PAK3: variants seen among roughly 807,000 people sequenced by gnomAD.
PAK3 encodes the protein p21 (RAC1) activated kinase 3.
In PAK3, 4 loss-of-function variants were observed where a neutral mutation model predicts 41.0. The observed-to-expected ratio is 0.10, with a 90% CI of 0.05 to 0.22. The LOEUF (loss-of-function observed/expected upper bound fraction) is 0.22, where lower values mean the gene tolerates loss of function less well. Among genes scored for constraint, PAK3 ranks in the 10% least tolerant of loss-of-function variants. The pLI is 1.00. For synonymous variants in PAK3, 146 were observed against 139.6 expected (o/e 1.05, Z -0.32); for missense variants, 205 against 409.9 (o/e 0.50, Z 4.32).
chrX:111,169,343 G>A (rs867948521), intron 10 of PAK3: 5 of 168,936 alleles, frequency 3.0e-5, no homozygotes, highest in South Asian at 1.2e-4. Context: ...TGGAATTCCC[G>A]TCATGTATAT....
chrX:111,006,845 C>CTTTA (rs2091935955), intron 1 of PAK3, among the ~76,000 whole-genome samples: 1 of 11,922 alleles, frequency 8.4e-5, no homozygotes, highest in Non-Finnish European at 3.4e-4. Flanking sequence ...TTCTTTCTTT[C>CTTTA]TTTCTTTTTT....
chrX:111,193,961 G>A (rs2094587013), intron 13 of PAK3, among the ~76,000 whole-genome samples: 1 of 111,237 alleles, frequency 9.0e-6, no homozygotes, highest in Non-Finnish European at 1.9e-5. Flanking sequence ...ATTGATATGG[G>A]TCTTAGGGCA....
At position 111,203,083 on chromosome X, in the gene PAK3, G is replaced by A. The variant is rs761387358; in HGVS notation, c.1407+6443G>A. Among the ~76,000 whole-genome samples, 4 of 111,273 alleles carry A rather than the reference G, an allele frequency of 3.6e-5. No individual in the cohort carries two copies. In the South Asian group the frequency reaches 1.5e-3, roughly 43 times the overall value. On this transcript the variant is annotated intron_variant, in intron 16 of 17. Transcript: ENST00000372007. ...AGCGATTCTAGGCCCCCATCCTCAGGGAAAAATGGCAATCAGGAAATGTCA... is the reference window on the plus strand; with the variant it reads ...AGCGATTCTAGGCCCCCATCCTCAGAGAAAAATGGCAATCAGGAAATGTCA...
At chrX:111,152,480 T>C in intron 8 of PAK3, 33 bp downstream of exon 8, 5 of 1,012,520 alleles carry the variant, frequency 4.9e-6, no homozygotes, top group Non-Finnish European at 5.6e-6. Context: ...TTTCACATGA[T>C]TGGTGTTTCC....
At chrX:111,010,371 C>A (rs926826793) in intron 1 of PAK3, among the ~76,000 whole-genome samples, 1 of 111,495 alleles carries the variant, frequency 9.0e-6, no homozygotes, top group East Asian at 2.8e-4. Context: ...AAATCCTTGA[C>A]AAGCCACGCC....
intron 1 of PAK3, among the ~76,000 whole-genome samples, chrX:111,020,734 G>A (rs749448380): frequency 4.5e-5 from 5 of 111,850 alleles, no homozygotes; most frequent in East Asian, 2.8e-4. Flanking sequence ...CTCAGCCAGT[G>A]GGGAGGCTTG....
rs756699807 is a variant in PAK3, at chrX:111,152,479, A to G, written c.468+32A>G. ...GAAAAATTGAAAACTGTTTCACATG[A>G]TTGGTGTTTCCAAAGATTTAAGAGA... On this transcript the variant is annotated intron_variant, in intron 8 of 17. Coordinates refer to ENST00000372007, the MANE Select transcript of PAK3 (RefSeq NM_002578.5). 4.9e-6 allele frequency: 5 copies of G among 1,019,588 alleles called. No individual in the cohort carries two copies. The Admixed American group carries it at 1.1e-4, about 22-fold the overall frequency. The allele number at this position is 1,019,588 out of a possible 1,213,427, so 84.0% of individuals were successfully genotyped here. A position where few individuals can be genotyped will look rare whatever the true frequency, so the allele number is the denominator to read the frequency against.
At chrX:111,042,598 C>G (rs1475580077) in intron 1 of PAK3, among the ~76,000 whole-genome samples, 1 of 111,755 alleles carries the variant, frequency 8.9e-6, no homozygotes, top group Non-Finnish European at 1.9e-5. Context: ...GCACAAGAGA[C>G]AGGGGAAATC....
chrX:111,003,646 G>T (rs1166986356), intron 1 of PAK3, among the ~76,000 whole-genome samples: 1 of 111,719 alleles, frequency 9.0e-6, no homozygotes, highest in Non-Finnish European at 1.9e-5. Flanking sequence ...AATGCTGTAA[G>T]AACACAGAGC....
At chrX:111,014,369 G>A (rs1045584017) in intron 1 of PAK3, among the ~76,000 whole-genome samples, 2 of 111,028 alleles carry the variant, frequency 1.8e-5, no homozygotes, top group Admixed American at 1.9e-4. Context: ...ATCCCAAAAT[G>A]TAAAGCAGAT....
intron 1 of PAK3, among the ~76,000 whole-genome samples, chrX:111,039,945 T>C (rs2092436578): frequency 1.1e-5 from 1 of 93,204 alleles, no homozygotes; most frequent in Non-Finnish European, 2.0e-5. Flanking sequence ...TGTTAGAGAA[T>C]GGCTGAGGCC....
At chrX:111,074,516 G>A (rs2092769547) in intron 1 of PAK3, among the ~76,000 whole-genome samples, 1 of 111,736 alleles carries the variant, frequency 8.9e-6, no homozygotes, top group African/African-American at 3.3e-5. Flanking sequence ...AGATGTTGGT[G>A]CCATGCTTTA....
chrX:111,130,219 G>A lies in PAK3; in HGVS notation c.175+6941G>A, dbSNP rs187205095. ...CTGAAGGTGCTAGCTGTTTGCATGT[G>A]TGAGTGGGGGTGACTTGAAGGGCTC... On this transcript the variant is annotated intron_variant, in intron 5 of 17. Coordinates refer to ENST00000372007, the MANE Select transcript of PAK3 (RefSeq NM_002578.5). 5.4e-5 allele frequency among the ~76,000 whole-genome samples: 6 copies of A among 111,703 alleles called. No homozygotes were observed. In the East Asian group the frequency reaches 1.7e-3, roughly 32 times the overall value.
In PAK3 at chrX:111,097,363, T is replaced by G. The variant is rs1407803639; in HGVS notation, c.-352-27T>G. Reference sequence around the variant, plus strand: ...AGAGATAGAGGCCCCACTTGTTTTTTTTTTTTTTTTTGGTCCCACCTTTCA... The same window carrying G: ...AGAGATAGAGGCCCCACTTGTTTTTGTTTTTTTTTTTGGTCCCACCTTTCA... On this transcript the variant is annotated intron_variant, in intron 1 of 17. Transcript: ENST00000372007. 9 of 107,143 alleles carry G rather than the reference T, an allele frequency of 8.4e-5. No individual in the cohort carries two copies. The East Asian group carries it at 2.3e-3, about 28-fold the overall frequency. 8.8% of individuals were successfully genotyped at this position (107,143 alleles called of 1,213,427 possible). A position where few individuals can be genotyped will look rare whatever the true frequency, so the allele number is the denominator to read the frequency against.
At chrX:111,012,516 A>G (rs1484963381) in intron 1 of PAK3, among the ~76,000 whole-genome samples, 1 of 111,987 alleles carries the variant, frequency 8.9e-6, no homozygotes, top group African/African-American at 3.2e-5. Flanking sequence ...AAGAAAACAA[A>G]TTTTGTTGGC....
chrX:111,180,731 C>T (rs1001128960), intron 11 of PAK3, among the ~76,000 whole-genome samples: 2 of 111,525 alleles, frequency 1.8e-5, no homozygotes, highest in African/African-American at 3.3e-5. Flanking sequence ...TGGTTCTATG[C>T]TTGTACCTCA....
chrX:111,198,826 C>T (rs1285032243), intron 16 of PAK3, among the ~76,000 whole-genome samples: 1 of 110,858 alleles, frequency 9.0e-6, no homozygotes, highest in Non-Finnish European at 1.9e-5. Flanking sequence ...TTTTGGTTCC[C>T]AGTGAATTTT....
At chrX:111,018,725 A>G (rs1157660606) in intron 1 of PAK3, among the ~76,000 whole-genome samples, 2 of 111,909 alleles carry the variant, frequency 1.8e-5, no homozygotes, top group Non-Finnish European at 3.8e-5. Context: ...CTTTTGTTGC[A>G]GAAATAGGAA....
intron 1 of PAK3, among the ~76,000 whole-genome samples, chrX:111,052,809 TGTAA>T (rs1037751176): frequency 1.8e-5 from 2 of 112,538 alleles, no homozygotes; most frequent in Admixed American, 9.4e-5. Flanking sequence ...TGAAAAATAT[TGTAA>T]GTGTTTTGTC....
Sources: allele counts gnomAD v4.1 joint callset (sites outside exome capture counted in the v4.1 genomes callset), GRCh38; gene constraint gnomAD v4.1.1; transcripts MANE v1.5; gene names NCBI Gene and HGNC (gene_info 2026-07-23, HGNC 2026-07-21).